TENM2: variants seen among roughly 807,000 people sequenced by gnomAD.
TENM2 encodes teneurin transmembrane protein 2, also known as teneurin-2.
TENM2 carries 52 observed loss-of-function variants against 245.2 expected under a neutral mutation model. The ratio of observed to expected loss-of-function variants is 0.21; its 90% CI spans 0.17 to 0.27. The LOEUF (loss-of-function observed/expected upper bound fraction) is 0.27, where lower values mean the gene tolerates loss of function less well. Ranked by LOEUF, TENM2 falls within the 10% of genes least tolerant of loss-of-function variation. The pLI, the probability that TENM2 is intolerant of heterozygous loss-of-function variation, is 1.00. For synonymous variants in TENM2, 1,363 were observed against 1,438.9 expected (o/e 0.95, Z 1.19); for missense variants, 3,046 against 3,666.8 (o/e 0.83, Z 4.37).
At chr5:167,748,509 G>C (rs1177514981) in intron 2 of TENM2, among the ~76,000 whole-genome samples, 1 of 152,126 alleles carries the variant, frequency 6.6e-6, no homozygotes, top group Non-Finnish European at 1.5e-5. Context: ...CTCTTCAGTA[G>C]TTGGAACTAC....
At chr5:167,806,496 T>G (rs909617018) in intron 2 of TENM2, among the ~76,000 whole-genome samples, 1 of 152,138 alleles carries the variant, frequency 6.6e-6, no homozygotes, top group African/African-American at 2.4e-5. Flanking sequence ...TACCCTTCTC[T>G]CCCGTGTTAC....
intron 2 of TENM2, among the ~76,000 whole-genome samples, chr5:167,714,494 C>A (rs1323255233): frequency 6.6e-6 from 1 of 152,114 alleles, no homozygotes; most frequent in East Asian, 1.9e-4. Flanking sequence ...GCTGAATTAC[C>A]CAAGTCCATT....
the TENM2 span, among the ~76,000 whole-genome samples, chr5:167,255,073 C>CTTTTTTTTTT: frequency 1.1e-4 from 14 of 125,482 alleles, no homozygotes; most frequent in Non-Finnish European, 1.2e-4. Context: ...CTTTTCTTTT[C>CTTTTTTTTTT]TTTTTTTTTT....
chr5:167,862,258 T>C (rs1771888465), intron 2 of TENM2, among the ~76,000 whole-genome samples: 2 of 152,140 alleles, frequency 1.3e-5, no homozygotes, highest in South Asian at 4.1e-4. Context: ...TGTGTGTGTG[T>C]GTGTGTGTGT....
the TENM2 span, among the ~76,000 whole-genome samples, chr5:167,209,186 G>A: frequency 6.6e-6 from 1 of 152,006 alleles, no homozygotes; most frequent in Non-Finnish European, 1.5e-5. Context: ...CTACTGTGAG[G>A]AATAAATGAA....
rs185792924 is a variant in TENM2 at position 168,154,275 on chromosome 5, C to T, written c.2423-8336C>T. On this transcript the variant is annotated intron_variant, in intron 12 of 28. Coordinates refer to ENST00000518659, the Ensembl canonical transcript of TENM2. Reference sequence around the variant, plus strand: ...TTGCCCAGGCTGGAGTGAAGTGGTGCGATCTTGGCTCACTGCTGCAACCTC... The same window carrying T: ...TTGCCCAGGCTGGAGTGAAGTGGTGTGATCTTGGCTCACTGCTGCAACCTC... Among the ~76,000 whole-genome samples the T allele has an allele frequency of 7.2e-5, 11 of 151,752 alleles. No homozygotes were observed. The East Asian group carries it at 1.2e-3, about 16-fold the overall frequency.
At chr5:167,167,874 T>G in the TENM2 span, among the ~76,000 whole-genome samples, 1 of 152,134 alleles carries the variant, frequency 6.6e-6, no homozygotes, top group Non-Finnish European at 1.5e-5. Flanking sequence ...AGCAGGAGAC[T>G]TACAAGACAA....
the TENM2 span, among the ~76,000 whole-genome samples, chr5:167,026,325 A>G: frequency 6.6e-6 from 1 of 152,220 alleles, no homozygotes; most frequent in Non-Finnish European, 1.5e-5. Context: ...AAAAAGTAGC[A>G]CTGGCAACAC....
chr5:167,731,950 G>T (rs1760469315), intron 2 of TENM2, among the ~76,000 whole-genome samples: 1 of 152,064 alleles, frequency 6.6e-6, no homozygotes, highest in African/African-American at 2.4e-5. Flanking sequence ...TGGAAATCAA[G>T]TAGGCATACA....
intron 5 of TENM2, among the ~76,000 whole-genome samples, chr5:167,998,818 G>A (rs746061827): frequency 4.6e-5 from 7 of 152,072 alleles, no homozygotes; most frequent in Non-Finnish European, 8.8e-5. Flanking sequence ...AAAGAACGCG[G>A]GCCATCAACA....
chr5:168,258,394 G>C lies in TENM2; in HGVS notation c.7433-1889G>C, dbSNP rs758329793. Among the ~76,000 whole-genome samples the C allele has an allele frequency of 1.8e-3, 272 of 152,124 alleles. 3 individuals carry two copies. The highest frequency in any genetic ancestry group is 8.3e-4 in the South Asian group (4 of 4,822). On this transcript the variant is annotated intron_variant, in intron 27 of 28. Coordinates refer to ENST00000518659, the Ensembl canonical transcript of TENM2. ...CATGCACCTGTAGTCCCAGCTACTC[G>C]GGAGGCTGAGGCAAGGGAATCACTT...
At chr5:168,089,882 C>T (rs1792774273) in intron 7 of TENM2, among the ~76,000 whole-genome samples, 1 of 152,132 alleles carries the variant, frequency 6.6e-6, no homozygotes, top group South Asian at 2.1e-4. Context: ...TCTGAATCCT[C>T]ACAACAACCC....
At chr5:167,170,350 G>A in the TENM2 span, among the ~76,000 whole-genome samples, 1 of 152,160 alleles carries the variant, frequency 6.6e-6, no homozygotes, top group African/African-American at 2.4e-5. Context: ...GCAAACTTCT[G>A]CATAAATACT....
At chr5:167,497,083 A>G (rs977451312) in intron 2 of TENM2, among the ~76,000 whole-genome samples, 1 of 152,064 alleles carries the variant, frequency 6.6e-6, no homozygotes, top group East Asian at 1.9e-4. Flanking sequence ...TCTCTGGCTA[A>G]ATGGAGGACC....
At chr5:168,134,374 A>G (rs1266976144) in intron 12 of TENM2, among the ~76,000 whole-genome samples, 2 of 151,994 alleles carry the variant, frequency 1.3e-5, no homozygotes, top group African/African-American at 4.8e-5. Context: ...CATCATCACC[A>G]TCATTGTCTA....
chr5:167,330,975 T>C lies in TENM2; in HGVS notation c.227-44223T>C, dbSNP rs1200379930. On this transcript the variant is annotated intron_variant, in intron 1 of 28. Coordinates refer to ENST00000518659, the Ensembl canonical transcript of TENM2. ...ATTATGGGCCAGGCGTGGTGGCTCA[T>C]GCCTATAATCCCAGCACTTTGGGAG... Among the ~76,000 whole-genome samples, 3 of 152,078 alleles carry C rather than the reference T, an allele frequency of 2.0e-5. No homozygotes were observed. In the East Asian group the frequency reaches 5.8e-4, roughly 29 times the overall value.
chr5:167,877,712 A>T (rs1773545963), intron 3 of TENM2, among the ~76,000 whole-genome samples: 1 of 152,214 alleles, frequency 6.6e-6, no homozygotes, highest in Admixed American at 6.5e-5. Flanking sequence ...TTCAAATATG[A>T]TGTTAACTTA....
At chr5:167,993,241 A>G (rs1249521336) in intron 5 of TENM2, 59 bp downstream of exon 7, 1 of 1,421,248 alleles carries the variant, frequency 7.0e-7, no homozygotes, top group Non-Finnish European at 9.8e-7. Context: ...GGGAGAGGCC[A>G]TGGACTTGTG....
chr5:167,635,133 C>A (rs1779114003), intron 2 of TENM2, among the ~76,000 whole-genome samples: 1 of 152,082 alleles, frequency 6.6e-6, no homozygotes, highest in African/African-American at 2.4e-5. Flanking sequence ...ATGTTGTGTA[C>A]TTTTAATAGC....
Sources: gnomAD v4.1 joint callset for allele counts (sites outside exome capture counted in the v4.1 genomes callset) on GRCh38, gnomAD v4.1.1 for gene constraint, MANE v1.5 for transcripts, NCBI Gene and HGNC (gene_info 2026-07-23, HGNC 2026-07-21) for gene names.